TRDMT1: variants seen among roughly 807,000 people sequenced by gnomAD.
TRDMT1 encodes the protein tRNA (cytosine(38)-C(5))-methyltransferase.
A neutral mutation model predicts 51.2 loss-of-function variants in TRDMT1; 49 were observed. The observed-to-expected ratio is 0.96, with a 90% CI of 0.76 to 1.21. TRDMT1 has a LOEUF of 1.21. Among genes scored for constraint, TRDMT1 ranks in the 50% most tolerant of loss-of-function variants. The probability of loss-of-function intolerance (pLI) is 0.00; values close to 1 mark genes in which losing one functional copy is unlikely to be tolerated. For synonymous variants in TRDMT1, 187 were observed against 164.6 expected (o/e 1.14, Z -1.04); for missense variants, 534 against 462.3 (o/e 1.16, Z -1.42).
chr10:17,173,452 C>G (rs1842276481), intron 2 of TRDMT1, among the ~76,000 whole-genome samples: 1 of 152,136 alleles, frequency 6.6e-6, no homozygotes, highest in Non-Finnish European at 1.5e-5. Flanking sequence ...AAGAACTACA[C>G]TCTTATGATT....
chr10:17,200,990 T>C (rs542131493), intron 1 of TRDMT1, among the ~76,000 whole-genome samples: 6 of 152,322 alleles, frequency 3.9e-5, no homozygotes, highest in Admixed American at 1.3e-4. Flanking sequence ...TGGAACTCAG[T>C]TCTCTGGCAT....
In TRDMT1 at chr10:17,141,179, T is replaced by G. The variant is rs1330454213; in HGVS notation, c.*7861A>C. 6.6e-6 allele frequency among the ~76,000 whole-genome samples: 1 copy of G among 152,202 alleles called. No homozygotes were observed. Among genetic ancestry groups the G allele is most frequent in the Non-Finnish European group, 1.5e-5 (1 of 68,034 alleles). On this transcript the variant is annotated 3_prime_UTR_variant, in exon 11 of 11. Coordinates refer to ENST00000377799, the MANE Select transcript of TRDMT1 (RefSeq NM_004412.7). ...CTGCTTTTATTTATTTATTTATTTT[T>G]TTGAGACGGAGTCTCACTCTGTCAC...
At position 17,147,072 on chromosome 10, in the gene TRDMT1, G is replaced by A. The variant is rs1295566841; in HGVS notation, c.*1968C>T. 11 of 985,518 alleles carry A rather than the reference G, an allele frequency of 1.1e-5. No individual in the cohort carries two copies. In the South Asian group the frequency reaches 1.9e-4, roughly 17 times the overall value. The allele number at this position is 985,518 out of a possible 1,614,324, so 61.0% of individuals were successfully genotyped here. A position where few individuals can be genotyped will look rare whatever the true frequency, so the allele number is the denominator to read the frequency against. On this transcript the variant is annotated 3_prime_UTR_variant, in exon 11 of 11. Transcript: ENST00000377799. The stretch of plus-strand genomic sequence containing the variant: ...ATTTATAGTTGGTGCACAGTAACTC[G>A]ACACTTATTTTGTATAATGTTGCTC...
chr10:17,161,603 GT>G, intron 4 of TRDMT1, 55 bp from the exon 5 acceptor site: 1 of 235,300 alleles, frequency 4.2e-6, no homozygotes, highest in Non-Finnish European at 6.5e-6. Context: ...AGAAGAAAAA[GT>G]AAAGAAAATC....
Position 17,141,875 on chromosome 10 carries a change from T to C in TRDMT1, c.*7165A>G, listed in dbSNP as rs1335269242. ...ATTAAATTTCTGAAAATAAAGTTAA[T>C]GTAACAGACAAAATGTCCAGGATCT... On this transcript the variant is annotated 3_prime_UTR_variant, in exon 11 of 11. Transcript: ENST00000377799. Among the ~76,000 whole-genome samples, 1 of 152,264 alleles carries C rather than the reference T, an allele frequency of 6.6e-6. No individual in the cohort carries two copies. The highest frequency in any genetic ancestry group is 2.4e-5 in the African/African-American group (1 of 41,472).
intron 3 of TRDMT1, among the ~76,000 whole-genome samples, chr10:17,168,543 G>C (rs967141482): frequency 1.3e-5 from 2 of 152,092 alleles, no homozygotes; most frequent in African/African-American, 2.4e-5. Flanking sequence ...GGACCCGGTG[G>C]GAGGTAACGG....
chr10:17,159,842 A>T (rs558180541), intron 6 of TRDMT1, among the ~76,000 whole-genome samples: 1 of 152,332 alleles, frequency 6.6e-6, no homozygotes, highest in African/African-American at 2.4e-5. Flanking sequence ...AACTTGTCTT[A>T]TCATGATCAA....
chr10:17,168,854 G>A lies in TRDMT1; in HGVS notation c.238C>T (p.Gln80Ter), dbSNP rs761056927. 9 of 1,610,558 alleles carry A rather than the reference G, an allele frequency of 5.6e-6. No homozygotes were observed. Among genetic ancestry groups the A allele is most frequent in the African/African-American group, 1.3e-5 (1 of 74,776 alleles). The change falls in exon 3 of 11, where the codon CAG (glutamine) becomes TAG (stop). Residue 80 changes from glutamine to a stop codon, truncating the protein, a stop_gained. Transcript: ENST00000377799. LOFTEE classifies it high-confidence loss of function. ...TATGACACATACCTTGTGAATGGCTGGCAGGGAGGGCTCATTAAAATCATA... is the reference window on the plus strand; with the variant it reads ...TATGACACATACCTTGTGAATGGCTAGCAGGGAGGGCTCATTAAAATCATA... ...FDMILMSPPCQPFTRIGRQGD... is the reference protein window; with the variant it reads ...FDMILMSPPC
intron 3 of TRDMT1, 47 bp from the exon 4 acceptor site, chr10:17,162,284 T>A: frequency 1.3e-6 from 2 of 1,512,056 alleles, no homozygotes; most frequent in Non-Finnish European, 1.8e-6. Context: ...ACAGAAAGTT[T>A]ATTAAGAATC....
rs547148243 is a variant in TRDMT1 at position 17,149,894 on chromosome 10, T to G, written c.1076-754A>C. Among the ~76,000 whole-genome samples the G allele has an allele frequency of 3.9e-5, 6 of 152,328 alleles. No homozygotes were observed. The East Asian group carries it at 1.2e-3, about 29-fold the overall frequency. ...TTTCCATTCATTCGTTCATAGACAT[T>G]TGGATTGTATCTACTTTTTTGGCTG... On this transcript the variant is annotated intron_variant, in intron 10 of 10. Transcript: ENST00000377799.
intron 1 of TRDMT1, among the ~76,000 whole-genome samples, chr10:17,194,737 A>G (rs1239725621): frequency 6.6e-6 from 1 of 152,096 alleles, no homozygotes; most frequent in African/African-American, 2.4e-5. Flanking sequence ...GTTCCAGACC[A>G]GCCTGGTCAA....
In TRDMT1 at chr10:17,147,535, G is replaced by T; in HGVS notation, c.*1505C>A. 5.0e-6 allele frequency: 1 copy of T among 199,132 alleles called. No homozygotes were observed. The highest frequency in any genetic ancestry group is 2.4e-5 in the African/African-American group (1 of 42,428). 12.3% of individuals were successfully genotyped at this position (199,132 alleles called of 1,614,324 possible). On this transcript the variant is annotated 3_prime_UTR_variant, in exon 11 of 11. Transcript: ENST00000377799. ...TCTCATCACCCCAATCAGAAACTTT[G>T]TATCCATTATGCACTAACTACCCAT...
At chr10:17,150,963 A>T in intron 10 of TRDMT1, 3 of 985,214 alleles carry the variant, frequency 3.0e-6, no homozygotes, top group Non-Finnish European at 3.6e-6. Context: ...AGGTTTGAAA[A>T]CAAATAAGTA....
At chr10:17,185,667 T>A (rs370987637) in intron 1 of TRDMT1, among the ~76,000 whole-genome samples, 5 of 152,136 alleles carry the variant, frequency 3.3e-5, no homozygotes, top group Admixed American at 2.0e-4. Flanking sequence ...CAAATGTCCA[T>A]CAATGATAGA....
At position 17,144,910 on chromosome 10, in the gene TRDMT1, A is replaced by T. The variant is rs1392312138; in HGVS notation, c.*4130T>A. ...CACACAGGTTGACTCATGCAAACTGAAACTAAAGAACATGTGCAAGATGCT... is the reference window on the plus strand; with the variant it reads ...CACACAGGTTGACTCATGCAAACTGTAACTAAAGAACATGTGCAAGATGCT... On this transcript the variant is annotated 3_prime_UTR_variant, in exon 11 of 11. Transcript: ENST00000377799. The T allele has an allele frequency of 2.0e-6, 2 of 985,302 alleles. No homozygotes were observed. Among genetic ancestry groups the T allele is most frequent in the Admixed American group, 6.2e-5 (1 of 16,258 alleles). 61.0% of individuals were successfully genotyped at this position (985,302 alleles called of 1,614,324 possible). A position where few individuals can be genotyped will look rare whatever the true frequency, so the allele number is the denominator to read the frequency against.
intron 3 of TRDMT1, among the ~76,000 whole-genome samples, chr10:17,165,495 C>T (rs1841063231): frequency 6.6e-6 from 1 of 152,150 alleles, no homozygotes; most frequent in Admixed American, 6.5e-5. Context: ...AAAGCAATGG[C>T]AACAAAAGCC....
At chr10:17,154,153 T>A (rs1839173940) in intron 9 of TRDMT1, among the ~76,000 whole-genome samples, 1 of 152,202 alleles carries the variant, frequency 6.6e-6, no homozygotes, top group Non-Finnish European at 1.5e-5. Flanking sequence ...AGTTAAAAGT[T>A]TGAATCAGTA....
Position 17,139,614 on chromosome 10 carries a change from G to A in TRDMT1, c.*9426C>T, listed in dbSNP as rs868728960. ...TGTACCTTTAATTGGGAAGATAGAC[G>A]CAGAAGCAGTACACACAGGCATCTT... On this transcript the variant is annotated 3_prime_UTR_variant, in exon 11 of 11. Coordinates refer to ENST00000377799, the MANE Select transcript of TRDMT1 (RefSeq NM_004412.7). 6.6e-6 allele frequency among the ~76,000 whole-genome samples: 1 copy of A among 152,148 alleles called. No individual in the cohort carries two copies. Among genetic ancestry groups the A allele is most frequent in the Non-Finnish European group, 1.5e-5 (1 of 68,028 alleles).
At chr10:17,201,478 C>CCACAGTGTCCGCCT in intron 1 of TRDMT1, 93 bp downstream of exon 1, 2 of 1,358,502 alleles carry the variant, frequency 1.5e-6, no homozygotes, top group Non-Finnish European at 1.0e-6. Context: ...AGTGTCCGCC[C>CCACAGTGTCCGCCT]CTTGCGTCTC....
Sources: allele counts gnomAD v4.1 joint callset (sites outside exome capture counted in the v4.1 genomes callset), GRCh38; gene constraint gnomAD v4.1.1; transcripts MANE v1.5; gene names NCBI Gene and HGNC (gene_info 2026-07-23, HGNC 2026-07-21).